ACACB: variants seen among roughly 807,000 people sequenced by gnomAD.
The protein encoded by ACACB is acetyl-CoA carboxylase beta.
ACACB carries 209 observed loss-of-function variants against 278.8 expected under a neutral mutation model. That is an observed-to-expected ratio of 0.75 (90% CI 0.67 to 0.84). The LOEUF (loss-of-function observed/expected upper bound fraction) is 0.84, where lower values mean the gene tolerates loss of function less well. Ranked by LOEUF, ACACB falls within the 40% of genes least tolerant of loss-of-function variation. The probability of loss-of-function intolerance (pLI) is 0.00; values close to 1 mark genes in which losing one functional copy is unlikely to be tolerated. For synonymous variants in ACACB, 1,174 were observed against 1,285.6 expected (o/e 0.91, Z 1.86); for missense variants, 2,850 against 3,269.0 (o/e 0.87, Z 3.13).
chr12:109,167,621 GTATATATATATATATATATA>G (rs1216217057), intron 3 of ACACB, among the ~76,000 whole-genome samples: 10 of 77,526 alleles, frequency 1.3e-4, no homozygotes, highest in Middle Eastern at 6.4e-3. Flanking sequence ...ATATGTATGT[GTATATATATATATATATATA>G]TATATATATA....
chr12:109,143,977 G>A (rs1040631908), intron 2 of ACACB, among the ~76,000 whole-genome samples: 4 of 151,830 alleles, frequency 2.6e-5, no homozygotes, highest in African/African-American at 9.7e-5. Context: ...GAGCAGCCTG[G>A]GCAACATAAT....
intron 2 of ACACB, among the ~76,000 whole-genome samples, chr12:109,146,315 G>T (rs908198535): frequency 1.3e-5 from 2 of 152,252 alleles, no homozygotes; most frequent in African/African-American, 4.8e-5. Flanking sequence ...TCACTTCACT[G>T]CTGCTCTGCC....
At chr12:109,235,904 T>G (rs1385568412) in intron 33 of ACACB, 10 of 426,806 alleles carry the variant, frequency 2.3e-5, no homozygotes, top group Admixed American at 4.2e-5. Context: ...GAGGCTGAGG[T>G]GGGAGGATTG....
intron 11 of ACACB, among the ~76,000 whole-genome samples, chr12:109,181,378 C>T (rs900498440): frequency 1.3e-5 from 2 of 152,058 alleles, no homozygotes; most frequent in African/African-American, 4.8e-5. Flanking sequence ...CAGGTGCACA[C>T]TACTATGCCC....
At chr12:109,176,482 C>G (rs778027178) in intron 9 of ACACB, among the ~76,000 whole-genome samples, 3 of 152,066 alleles carry the variant, frequency 2.0e-5, no homozygotes, top group Non-Finnish European at 4.4e-5. Context: ...TAGTTCAAGT[C>G]TATAAATCAG....
rs773387826 is a variant in ACACB at position 109,222,779 on chromosome 12, C to T, written c.3679-20C>T. Reference sequence around the variant, plus strand: ...CTGGGAGGTTGGCTCACGCCAGCGCCCCCATCCCTCCCCCTGCAGATCCTG... The same window carrying T: ...CTGGGAGGTTGGCTCACGCCAGCGCTCCCATCCCTCCCCCTGCAGATCCTG... On this transcript the variant is annotated intron_variant, in intron 25 of 52. Transcript: ENST00000338432. The T allele has an allele frequency of 8.7e-6, 14 of 1,600,350 alleles. No homozygotes were observed. The highest frequency in any genetic ancestry group is 1.7e-4 in the Middle Eastern group (1 of 6,034).
chr12:109,198,945 T>C (rs1593534102), intron 17 of ACACB, among the ~76,000 whole-genome samples: 1 of 151,992 alleles, frequency 6.6e-6, no homozygotes, highest in South Asian at 2.1e-4. Context: ...CCCAGCACTT[T>C]GGGAGGCTGA....
At chr12:109,153,114 G>A (rs2043423859) in intron 2 of ACACB, among the ~76,000 whole-genome samples, 1 of 152,034 alleles carries the variant, frequency 6.6e-6, no homozygotes, top group African/African-American at 2.4e-5. Flanking sequence ...AGCCTCTGGA[G>A]TAGCTGGGAC....
At chr12:109,231,838 T>C (rs1296970042) in intron 28 of ACACB, among the ~76,000 whole-genome samples, 1 of 152,160 alleles carries the variant, frequency 6.6e-6, no homozygotes, top group Non-Finnish European at 1.5e-5. Context: ...GCACCAGGGA[T>C]TGGTGGCTGG....
intron 1 of ACACB, among the ~76,000 whole-genome samples, chr12:109,126,804 T>C (rs2042691277): frequency 6.6e-6 from 1 of 152,248 alleles, no homozygotes; most frequent in African/African-American, 2.4e-5. Flanking sequence ...TTTCTGGGTC[T>C]ATACTCTCAG....
chr12:109,235,084 C>G (rs1274058999), intron 31 of ACACB, among the ~76,000 whole-genome samples: 1 of 152,128 alleles, frequency 6.6e-6, no homozygotes, highest in African/African-American at 2.4e-5. Context: ...CCCAAAAACC[C>G]TCTCCCCACC....
At position 109,206,825 on chromosome 12, in the gene ACACB, T is replaced by A; in HGVS notation, c.3029T>A (p.Phe1010Tyr). Residue 1010 changes from phenylalanine (F) to tyrosine (Y), a missense_variant, in exon 20 of 53, where the codon TTT becomes TAT. Physicochemically the swap from Phe to Tyr is conservative, Grantham distance 22 (BLOSUM62 3). Around this residue, in one of 3 missense-constraint regions of ACACB, gnomAD observed 2,265 missense variants for 2,561.3 expected, o/e 0.88. Transcript: ENST00000338432. ...LENLTNVMSGFCLPEPVFSIK... is the reference protein window; with the variant it reads ...LENLTNVMSGYCLPEPVFSIK... ...AACCTCACCAACGTCATGAGTGGCT[T>A]TTGTCTGCCAGAGCCCGTTTTTAGC... 6.2e-7 allele frequency: 1 copy of A among 1,614,130 alleles called. No individual in the cohort carries two copies. The highest frequency in any genetic ancestry group is 8.5e-7 in the Non-Finnish European group (1 of 1,180,022).
intron 15 of ACACB, 56 bp downstream of exon 15, chr12:109,192,006 G>A: frequency 1.9e-6 from 3 of 1,556,040 alleles, no homozygotes; most frequent in Non-Finnish European, 8.8e-7. Flanking sequence ...CGGCTTAGGA[G>A]GCTGAATCTG....
intron 2 of ACACB, among the ~76,000 whole-genome samples, chr12:109,150,978 C>A (rs1319726009): frequency 7.7e-6 from 1 of 129,388 alleles, no homozygotes; most frequent in African/African-American, 2.8e-5. Context: ...TTTCTTTTTT[C>A]TTTCTTTTTT....
chr12:109,167,621 G>GTGTGTATATATATATATA (rs1555210640), intron 3 of ACACB, among the ~76,000 whole-genome samples: 7 of 77,522 alleles, frequency 9.0e-5, no homozygotes, highest in Admixed American at 8.7e-4. Context: ...ATATGTATGT[G>GTGTGTATATATATATATA]TATATATATA....
intron 13 of ACACB, among the ~76,000 whole-genome samples, chr12:109,190,548 G>GCTCTGCCT (rs1405982841): frequency 1.3e-5 from 2 of 152,228 alleles, no homozygotes; most frequent in Admixed American, 6.5e-5. Context: ...TGGAAGGTGA[G>GCTCTGCCT]AGGGTGGCAC....
intron 16 of ACACB, among the ~76,000 whole-genome samples, chr12:109,196,689 G>T (rs1421263895): frequency 6.6e-6 from 1 of 152,220 alleles, no homozygotes; most frequent in African/African-American, 2.4e-5. Context: ...CTCACACAGA[G>T]TGAGAGCTGG....
chr12:109,150,253 G>A (rs1050142267), intron 2 of ACACB, among the ~76,000 whole-genome samples: 1 of 152,192 alleles, frequency 6.6e-6, no homozygotes, highest in Non-Finnish European at 1.5e-5. Flanking sequence ...AGATTGTTGA[G>A]ATCGAGTGGG....
chr12:109,265,655 C>T, intron 52 of ACACB, 130 bp downstream of exon 52: 1 of 1,132,262 alleles, frequency 8.8e-7, no homozygotes, highest in Non-Finnish European at 1.2e-6. Context: ...GTCCCCGCCC[C>T]CTCCCCGCTC....
Sources: gnomAD v4.1 joint callset for allele counts (sites outside exome capture counted in the v4.1 genomes callset) on GRCh38, gnomAD v4.1.1 for gene constraint, gnomAD v4.1.1 regional missense constraint, MANE v1.5 for transcripts, NCBI Gene and HGNC (gene_info 2026-07-23, HGNC 2026-07-21) for gene names.